The following L3MBTL3 variants were observed in gnomAD, a reference collection of about 807,000 sequenced individuals.
L3MBTL3 encodes the protein L3MBTL histone methyl-lysine binding protein 3.
Under a neutral mutation model 102.3 loss-of-function variants are expected in L3MBTL3, and 27 were observed. The observed-to-expected ratio is 0.26, with a 90% confidence interval of 0.19 to 0.36. L3MBTL3 has a LOEUF of 0.36. Among genes scored for constraint, L3MBTL3 ranks in the 10% least tolerant of loss-of-function variants. The pLI is 1.00. For synonymous variants in L3MBTL3, 340 were observed against 320.9 expected (o/e 1.06, Z -0.64); for missense variants, 798 against 955.3 (o/e 0.84, Z 2.17).
At chr6:130,020,717 C>G (rs1778946347) in intron 1 of L3MBTL3, 1 of 151,774 alleles carries the variant, frequency 6.6e-6, no homozygotes, top group Non-Finnish European at 1.5e-5. Context: ...TGCCACCACC[C>G]CGCTTCCTTT....
At chr6:130,104,200 ATTCCTTC>A (rs945249921) in intron 18 of L3MBTL3, among the ~76,000 whole-genome samples, 1 of 152,166 alleles carries the variant, frequency 6.6e-6, no homozygotes, top group African/African-American at 2.4e-5. Context: ...ATTGCAACAG[ATTCCTTC>A]TTAAAGTCTA....
intron 20 of L3MBTL3, among the ~76,000 whole-genome samples, chr6:130,125,604 A>G (rs147265661): frequency 1.3e-5 from 2 of 152,274 alleles, no homozygotes; most frequent in Non-Finnish European, 2.9e-5. Context: ...TTCAAACCCA[A>G]GGCTGAAGGT....
intron 20 of L3MBTL3, among the ~76,000 whole-genome samples, chr6:130,130,456 A>G (rs1786930687): frequency 6.6e-6 from 1 of 152,200 alleles, no homozygotes; most frequent in African/African-American, 2.4e-5. Flanking sequence ...AAATCTTACC[A>G]TTTCATATAA....
chr6:130,055,622 G>A (rs1174591641), intron 8 of L3MBTL3, among the ~76,000 whole-genome samples: 1 of 29,160 alleles, frequency 3.4e-5, no homozygotes, highest in Non-Finnish European at 6.3e-5. Flanking sequence ...GCCTCTCCCT[G>A]TCTCCCTCCC....
chr6:130,071,227 GT>G, intron 13 of L3MBTL3, 100 bp downstream of exon 13: 2 of 1,054,166 alleles, frequency 1.9e-6, no homozygotes, highest in East Asian at 2.6e-5. Flanking sequence ...AAAAAAAGCA[GT>G]GTTCTGCCCC....
chr6:130,068,459 A>C, intron 12 of L3MBTL3, 38 bp downstream of exon 12: 1 of 1,149,524 alleles, frequency 8.7e-7, no homozygotes, highest in South Asian at 1.2e-5. Context: ...TCAAAGGAAG[A>C]AGTTTTTTGA....
Position 130,049,358 on chromosome 6 carries a change from C to G in L3MBTL3, c.179C>G (p.Ala60Gly). 6.2e-7 allele frequency: 1 copy of G among 1,611,702 alleles called. No individual in the cohort carries two copies. Among genetic ancestry groups the G allele is most frequent in the Non-Finnish European group, 8.5e-7 (1 of 1,177,912 alleles). ...ATGGAAAATGTTAAAAAAGCAACTGCTACCACCACTTGGATGGTACCAACT... is the reference window on the plus strand; with the variant it reads ...ATGGAAAATGTTAAAAAAGCAACTGGTACCACCACTTGGATGGTACCAACT... ...NEMENVKKAT[A>G]TTTWMVPTAQ... Residue 60 changes from alanine to glycine, a missense_variant, in exon 4 of 23, where the codon GCT becomes GGT. Physicochemically the swap from Ala to Gly is moderately conservative, Grantham distance 60. Transcript: ENST00000361794.
At chr6:130,134,271 T>C (rs149490745) in intron 22 of L3MBTL3, among the ~76,000 whole-genome samples, 4 of 152,234 alleles carry the variant, frequency 2.6e-5, no homozygotes, top group Non-Finnish European at 2.9e-5. Flanking sequence ...TTAGTTTCCA[T>C]TATTTTATTT....
At chr6:130,047,897 C>T (rs1386825659) in intron 3 of L3MBTL3, among the ~76,000 whole-genome samples, 1 of 152,034 alleles carries the variant, frequency 6.6e-6, no homozygotes, top group Non-Finnish European at 1.5e-5. Context: ...TTACCTCTTC[C>T]TACATTGACA....
At chr6:130,132,292 G>A (rs1201887403) in intron 20 of L3MBTL3, among the ~76,000 whole-genome samples, 1 of 152,168 alleles carries the variant, frequency 6.6e-6, no homozygotes, top group Admixed American at 6.5e-5. Flanking sequence ...ATTCAAAAAA[G>A]GGTAAATGAA....
intron 19 of L3MBTL3, among the ~76,000 whole-genome samples, chr6:130,113,823 A>G (rs1456310852): frequency 6.6e-6 from 1 of 152,250 alleles, no homozygotes; most frequent in East Asian, 1.9e-4. Context: ...ACAGATAGGA[A>G]AGCAAGCTAA....
intron 2 of L3MBTL3, among the ~76,000 whole-genome samples, chr6:130,024,152 G>C (rs922504496): frequency 6.6e-6 from 1 of 152,052 alleles, no homozygotes; most frequent in Non-Finnish European, 1.5e-5. Flanking sequence ...TGAGAAAATA[G>C]GTAACTGGAG....
chr6:130,027,623 C>G (rs1350682546), intron 2 of L3MBTL3, among the ~76,000 whole-genome samples: 1 of 152,098 alleles, frequency 6.6e-6, no homozygotes, highest in African/African-American at 2.4e-5. Flanking sequence ...AAAGAAAAAT[C>G]TAGCCAAATC....
chr6:130,069,122 C>T (rs558545978), intron 12 of L3MBTL3, among the ~76,000 whole-genome samples: 1 of 152,140 alleles, frequency 6.6e-6, no homozygotes, highest in East Asian at 1.9e-4. Context: ...AGATTTAATT[C>T]GCCTTTCACG....
intron 19 of L3MBTL3, among the ~76,000 whole-genome samples, chr6:130,112,041 A>G (rs1446157281): frequency 6.6e-6 from 1 of 152,068 alleles, no homozygotes; most frequent in Non-Finnish European, 1.5e-5. Flanking sequence ...TCTCTGTGCC[A>G]TCTCCTAGCT....
chr6:130,094,235 C>A, intron 17 of L3MBTL3, 30 bp from the exon 18 acceptor site: 1 of 1,543,026 alleles, frequency 6.5e-7, no homozygotes, highest in Non-Finnish European at 8.9e-7. Flanking sequence ...AATATTTTGC[C>A]CCTTCTTTCT....
intron 17 of L3MBTL3, 65 bp from the exon 18 acceptor site, chr6:130,094,200 T>C: frequency 7.8e-7 from 1 of 1,279,384 alleles, no homozygotes; most frequent in Non-Finnish European, 1.1e-6. Context: ...GATCCAGACA[T>C]TTGACTCTTC....
At position 130,049,909 on chromosome 6, in the gene L3MBTL3, C is replaced by T. The variant is rs1780985339; in HGVS notation, c.289+79C>T. The T allele has an allele frequency of 3.3e-6, 5 of 1,517,972 alleles. No individual in the cohort carries two copies. The South Asian group carries it at 5.3e-5, about 16-fold the overall frequency. The allele number at this position is 1,517,972 out of a possible 1,614,324, so 94.0% of individuals were successfully genotyped here. The stretch of plus-strand genomic sequence containing the variant: ...CCTCCCCACAAACCTGCTCTTTCTT[C>T]CCTAACCCATATTTCAGTTGACAAT... On this transcript the variant is annotated intron_variant, in intron 5 of 22. Transcript: ENST00000361794.
intron 2 of L3MBTL3, among the ~76,000 whole-genome samples, chr6:130,023,680 A>G (rs997121163): frequency 1.3e-5 from 2 of 152,174 alleles, no homozygotes; most frequent in Non-Finnish European, 2.9e-5. Context: ...AAATAAAATC[A>G]GATTTTGAGA....
Sources: gnomAD v4.1 joint callset for allele counts (sites outside exome capture counted in the v4.1 genomes callset) on GRCh38, gnomAD v4.1.1 for gene constraint, MANE v1.5 for transcripts, NCBI Gene and HGNC (gene_info 2026-07-23, HGNC 2026-07-21) for gene names.